The following IRF4 variants were observed in gnomAD, a reference collection of about 807,000 sequenced individuals.
The protein encoded by IRF4 is lymphocyte-specific interferon regulatory factor.
Under a neutral mutation model 55.5 loss-of-function variants are expected in IRF4, and 13 were observed. That is an observed-to-expected ratio of 0.23 (90% CI 0.15 to 0.37). The LOEUF (loss-of-function observed/expected upper bound fraction) is 0.37. IRF4 is among the 10% of genes least tolerant of loss of function. IRF4 has a pLI of 1.00. For synonymous variants in IRF4, 249 were observed against 240.7 expected (o/e 1.03, Z -0.32); for missense variants, 397 against 593.8 (o/e 0.67, Z 3.44).
intron 8 of IRF4, among the ~76,000 whole-genome samples, chr6:405,338 A>T (rs1761517958): frequency 6.6e-6 from 1 of 152,234 alleles, no homozygotes; most frequent in South Asian, 2.1e-4. Flanking sequence ...AGATCTGCTC[A>T]TCAAAGAACC....
chr6:395,798 C>A, intron 3 of IRF4, 49 bp from the exon 4 acceptor site: 1 of 1,346,040 alleles, frequency 7.4e-7, no homozygotes, highest in South Asian at 1.2e-5. Flanking sequence ...TTAGTTAGGT[C>A]AGTTCCTGTT....
intron 3 of IRF4, 28 bp downstream of exon 3, chr6:395,035 C>T (rs776385367): frequency 6.5e-7 from 1 of 1,538,200 alleles, no homozygotes; most frequent in South Asian, 1.2e-5. Flanking sequence ...TTTGGGTCAC[C>T]TAACAGAGGC....
chr6:410,550 A>G lies in IRF4; in HGVS notation c.*2952A>G, dbSNP rs544531858. ...AAGGGCAGGTAGGTATTAGTGTTTG[A>G]AAAAGCTGGTCTTTGAGCGAGGGCA... On this transcript the variant is annotated 3_prime_UTR_variant, in exon 9 of 9. Transcript: ENST00000380956. 6 of 230,092 alleles carry G rather than the reference A, an allele frequency of 2.6e-5. No individual in the cohort carries two copies. The highest frequency in any genetic ancestry group is 5.7e-5 in the Admixed American group (1 of 17,682). 14.3% of individuals were successfully genotyped at this position (230,092 alleles called of 1,614,324 possible). A position where few individuals can be genotyped will look rare whatever the true frequency, so the allele number is the denominator to read the frequency against.
chr6:395,385 T>A (rs6596967), intron 3 of IRF4, among the ~76,000 whole-genome samples: 4,348 of 152,248 alleles, frequency 0.029, 147 homozygotes, highest in African/African-American at 0.085. Context: ...GAGAGGAATA[T>A]CTCATCACTA....
intron 8 of IRF4, among the ~76,000 whole-genome samples, 168 bp from the exon 9 acceptor site, chr6:407,287 A>C (rs73717078): frequency 0.026 from 3,965 of 152,324 alleles, 68 homozygotes; most frequent in Middle Eastern, 0.054. Context: ...TGGAAGGACT[A>C]ACCAAAAAAT....
Position 402,490 on chromosome 6 carries a change from TC to T in IRF4, c.1099+715del, listed in dbSNP as rs375232397. On this transcript the variant is annotated intron_variant, in intron 7 of 8. Coordinates refer to ENST00000380956, the MANE Select transcript of IRF4 (RefSeq NM_002460.4). ...CACTCGCCACCCCACCGCCAACTCT[TC>T]CTCTGCCTTTTCCCAGTCCTGTCCC... Among the ~76,000 whole-genome samples the T allele has an allele frequency of 2.5e-4, 38 of 152,266 alleles. 1 individual carries two copies. In the South Asian group the frequency reaches 7.0e-3, roughly 28 times the overall value.
Position 393,516 on chromosome 6 carries a change from C to T in IRF4, c.216+148C>T. ...GAGGCATCAGGTGGCGTCGCCGGAG[C>T]CGCAGGAGGAGGAAAGGAGGCCTCG... On this transcript the variant is annotated intron_variant, in intron 2 of 8. Coordinates refer to ENST00000380956, the MANE Select transcript of IRF4 (RefSeq NM_002460.4). The surrounding 1 kb of genome is among the most constrained non-coding windows in gnomAD (Gnocchi z 5.4). The T allele has an allele frequency of 5.8e-6, 3 of 516,512 alleles. No individual in the cohort carries two copies. Among genetic ancestry groups the T allele is most frequent in the South Asian group, 7.7e-5 (1 of 13,060 alleles). 32.0% of individuals were successfully genotyped at this position (516,512 alleles called of 1,614,324 possible).
rs1761163199 is a variant in IRF4, at chr6:393,185, G to C, written c.33G>C (p.Glu11Asp). The C allele has an allele frequency of 1.3e-6, 2 of 1,554,348 alleles. No individual in the cohort carries two copies. Among genetic ancestry groups the C allele is most frequent in the Non-Finnish European group, 1.7e-6 (2 of 1,148,718 alleles). The stretch of plus-strand genomic sequence containing the variant: ...TGGAGGGCGGCGGCCGAGGCGGAGA[G>C]TTCGGCATGAGCGCGGTGAGCTGCG... MNLEGGGRGG[E>D]FGMSAVSCGN... The change falls in exon 2 of 9, where the codon GAG becomes GAC. Residue 11 changes from glutamate to aspartate, a missense_variant. Glu to Asp is a conservative substitution (Grantham distance 45, BLOSUM62 2). Around this residue, in one of 3 missense-constraint regions of IRF4, gnomAD observed 34 missense variants for 29.4 expected, o/e 1.16. Coordinates refer to ENST00000380956, the MANE Select transcript of IRF4 (RefSeq NM_002460.4). This position sits in a 1 kb window ranked among gnomAD's most constrained non-coding sequence, Gnocchi z 5.4.
Position 393,431 on chromosome 6 carries a change from C to A in IRF4, c.216+63C>A. On this transcript the variant is annotated intron_variant, in intron 2 of 8. Coordinates refer to ENST00000380956, the MANE Select transcript of IRF4 (RefSeq NM_002460.4). The surrounding 1 kb of genome is among the most constrained non-coding windows in gnomAD (Gnocchi z 5.4). ...AGGGCCCAGAGACAGAGCCCGGGGT[C>A]CCCGGCGCCGCCTCCGAGGCGAGCC... 1.6e-6 allele frequency: 2 copies of A among 1,214,594 alleles called. No individual in the cohort carries two copies. The highest frequency in any genetic ancestry group is 3.9e-5 in the South Asian group (2 of 51,494). 75.2% of individuals were successfully genotyped at this position (1,214,594 alleles called of 1,614,324 possible).
At chr6:392,172 A>C (rs1292323209) in intron 1 of IRF4, among the ~76,000 whole-genome samples, 1 of 152,328 alleles carries the variant, frequency 6.6e-6, no homozygotes, top group Non-Finnish European at 1.5e-5. Flanking sequence ...TGCCTGCGAG[A>C]AACAGGCCCG....
intron 5 of IRF4, among the ~76,000 whole-genome samples, 154 bp from the exon 6 acceptor site, chr6:398,674 G>A (rs1761326399): frequency 6.6e-6 from 1 of 152,234 alleles, no homozygotes; most frequent in Non-Finnish European, 1.5e-5. Flanking sequence ...CCTCACAAGA[G>A]CGTGCCCTGC....
Position 410,025 on chromosome 6 carries a change from T to G in IRF4, c.*2427T>G, listed in dbSNP as rs1761655064. On this transcript the variant is annotated 3_prime_UTR_variant, in exon 9 of 9. Coordinates refer to ENST00000380956, the MANE Select transcript of IRF4 (RefSeq NM_002460.4). ...TTAAAATTCTGAGTGATCCAGGGTA[T>G]GACCTAGGGAATGAACTAGCTATGA... 8.8e-6 allele frequency: 2 copies of G among 228,168 alleles called. No individual in the cohort carries two copies. The highest frequency in any genetic ancestry group is 1.7e-5 in the Non-Finnish European group (2 of 114,900). The allele number at this position is 228,168 out of a possible 1,614,324, so 14.1% of individuals were successfully genotyped here.
chr6:403,524 T>C (rs1339035530), intron 7 of IRF4, among the ~76,000 whole-genome samples: 1 of 152,202 alleles, frequency 6.6e-6, no homozygotes, highest in African/African-American at 2.4e-5. Flanking sequence ...AAGGTGCACA[T>C]TGAGTCACAG....
intron 7 of IRF4, among the ~76,000 whole-genome samples, chr6:402,268 T>C (rs1176868433): frequency 1.3e-5 from 2 of 152,204 alleles, no homozygotes; most frequent in Non-Finnish European, 2.9e-5. Flanking sequence ...GTTGGCTCTG[T>C]GATATGAACA....
In IRF4 at chr6:407,829, A is replaced by G. The variant is rs1044086674; in HGVS notation, c.*231A>G. On this transcript the variant is annotated 3_prime_UTR_variant, in exon 9 of 9. Coordinates refer to ENST00000380956, the MANE Select transcript of IRF4 (RefSeq NM_002460.4). ...AAGACAAGTGATTTTCATTGTAAAT[A>G]TTTGACTTTAGTGAAAGCGTCCAAT... 13 of 485,136 alleles carry G rather than the reference A, an allele frequency of 2.7e-5. No homozygotes were observed. The highest frequency in any genetic ancestry group is 4.7e-5 in the Non-Finnish European group (13 of 279,036). 30.1% of individuals were successfully genotyped at this position (485,136 alleles called of 1,614,324 possible).
At position 394,801 on chromosome 6, in the gene IRF4, T is replaced by G. The variant is rs1035747182; in HGVS notation, c.217-20T>G. Reference sequence around the variant, plus strand: ...AGACATGTATTTTGACTTTTCGTTCTCTTCATTCTTTCCCACCAGGCTTGG... The same window carrying G: ...AGACATGTATTTTGACTTTTCGTTCGCTTCATTCTTTCCCACCAGGCTTGG... On this transcript the variant is annotated intron_variant, in intron 2 of 8. Coordinates refer to ENST00000380956, the MANE Select transcript of IRF4 (RefSeq NM_002460.4). 2.9e-5 allele frequency: 47 copies of G among 1,602,884 alleles called. No individual in the cohort carries two copies. Among genetic ancestry groups the G allele is most frequent in the Non-Finnish European group, 3.4e-5 (40 of 1,175,614 alleles).
At position 401,701 on chromosome 6, in the gene IRF4, G is replaced by A. The variant is rs202225254; in HGVS notation, c.1023G>A (p.Ala341=). The stretch of plus-strand genomic sequence containing the variant: ...GGATCTACTGGGACGGGCCCCTGGC[G>A]CTGTGCAACGACCGGCCCAACAAAC... The part of the protein sequence containing the change: ...QSRIYWDGPL[A]LCNDRPNKLE... Residue 341 remains alanine, a synonymous_variant, in exon 7 of 9, where the codon GCG becomes GCA. Transcript: ENST00000380956. 1.4e-4 allele frequency: 233 copies of A among 1,614,222 alleles called. No individual in the cohort carries two copies. The highest frequency in any genetic ancestry group is 9.9e-4 in the Middle Eastern group (6 of 6,062).
intron 5 of IRF4, 86 bp downstream of exon 5, chr6:397,338 G>A (rs1761291932): frequency 2.7e-6 from 4 of 1,473,962 alleles, no homozygotes; most frequent in South Asian, 1.3e-5. Flanking sequence ...GTCCTGGGCA[G>A]CACCAAAGCT....
Position 393,842 on chromosome 6 carries a change from TC to T in IRF4, c.216+475del, listed in dbSNP as rs1761187741. On this transcript the variant is annotated intron_variant, in intron 2 of 8. Coordinates refer to ENST00000380956, the MANE Select transcript of IRF4 (RefSeq NM_002460.4). This position sits in a 1 kb window ranked among gnomAD's most constrained non-coding sequence, Gnocchi z 5.4. ...TTCGCTGCTTTTCTCTCTGAGTCTC[TC>T]TCTCTCCATGTTTTTCCTGAGGTCA... 6.6e-6 allele frequency among the ~76,000 whole-genome samples: 1 copy of T among 151,996 alleles called. No homozygotes were observed. The highest frequency in any genetic ancestry group is 6.6e-5 in the Admixed American group (1 of 15,266).
Sources: gnomAD v4.1 joint callset for allele counts (sites outside exome capture counted in the v4.1 genomes callset) on GRCh38, gnomAD v4.1.1 for gene constraint, gnomAD v4.1.1 regional missense constraint, Gnocchi (gnomAD v3.1) non-coding constraint, MANE v1.5 for transcripts, NCBI Gene and HGNC (gene_info 2026-07-23, HGNC 2026-07-21) for gene names.